Variants in ATAD3B observed in about 807,000 individuals in gnomAD.
ATAD3B encodes the protein ATPase family AAA domain-containing protein 3B.
Under a neutral mutation model 70.2 loss-of-function variants are expected in ATAD3B, and 59 were observed. The ratio of observed to expected loss-of-function variants is 0.84; its 90% CI spans 0.68 to 1.04. The LOEUF is 1.04. Among genes scored for constraint, ATAD3B ranks in the 50% least tolerant of loss-of-function variants. The pLI, the probability that ATAD3B is intolerant of heterozygous loss-of-function variation, is 0.00. For missense variants in ATAD3B, 961 were observed against 913.4 expected, an observed-to-expected ratio of 1.05 and a Z score of -0.67; for synonymous variants, 423 against 388.6, an observed-to-expected ratio of 1.09 and a Z score of -1.04.
At chr1:1,476,291 C>G (rs1331797396) in intron 1 of ATAD3B, among the ~76,000 whole-genome samples, 1 of 148,234 alleles carries the variant, frequency 6.7e-6, no homozygotes, top group Non-Finnish European at 1.5e-5. Context: ...CTAAATGCAA[C>G]GAGTGCTCCC....
chr1:1,503,038 CAG>C, the ATAD3B span, among the ~76,000 whole-genome samples: 30 of 151,106 alleles, frequency 2.0e-4, no homozygotes, highest in African/African-American at 5.6e-4. Context: ...TCCTGGCTAA[CAG>C]GGTGAAACCC....
chr1:1,498,415 C>T (rs1204857195), downstream of ATAD3B, among the ~76,000 whole-genome samples: 2 of 151,892 alleles, frequency 1.3e-5, no homozygotes, highest in Non-Finnish European at 2.9e-5. Flanking sequence ...CAGCCGAGAT[C>T]GCACCACTGC....
At chr1:1,503,401 G>A in the ATAD3B span, 36 of 635,040 alleles carry the variant, frequency 5.7e-5, no homozygotes, top group South Asian at 7.2e-5. Flanking sequence ...GCATCAGGCC[G>A]TGTGCTGGGG....
intron 10 of ATAD3B, 122 bp from the exon 11 acceptor site, chr1:1,486,422 T>C: frequency 6.2e-6 from 10 of 1,603,080 alleles, no homozygotes; most frequent in Non-Finnish European, 8.5e-6. Context: ...GTCTCCTGTC[T>C]GGCAGGCTGT....
intron 8 of ATAD3B, among the ~76,000 whole-genome samples, chr1:1,485,438 G>A (rs552556378): frequency 3.1e-4 from 47 of 152,196 alleles, no homozygotes; most frequent in African/African-American, 1.0e-3. Context: ...CAAGACCCGG[G>A]ACTTGGGTGT....
At chr1:1,481,719 T>G (rs1421602910) in intron 5 of ATAD3B, among the ~76,000 whole-genome samples, 1 of 149,368 alleles carries the variant, frequency 6.7e-6, no homozygotes, top group East Asian at 2.0e-4. Context: ...TTCTGGTTTT[T>G]TGCTTCAAAG....
At chr1:1,479,334 A>T (rs1153102) in intron 4 of ATAD3B, among the ~76,000 whole-genome samples, 1 of 144,690 alleles carries the variant, frequency 6.9e-6, no homozygotes. Flanking sequence ...CTGCCCACAC[A>T]GACACACACT....
At chr1:1,501,779 C>T (rs1450212778), downstream of ATAD3B, among the ~76,000 whole-genome samples, 7 of 152,192 alleles carry the variant, frequency 4.6e-5, no homozygotes, top group Non-Finnish European at 1.0e-4. Flanking sequence ...TAAGTGTCAT[C>T]CCGTAATGCA....
In ATAD3B at chr1:1,476,023, G is replaced by T. The variant is rs1639570320; in HGVS notation, c.206-1251G>T. On this transcript the variant is annotated intron_variant, in intron 1 of 15. Transcript: ENST00000673477. ...ACTGACACACCCTCAGTCCCCTCGG[G>T]GTCAGAGTGAGAGTGGTTGAGAGCC... 9.5e-5 allele frequency among the ~76,000 whole-genome samples: 14 copies of T among 147,384 alleles called. No individual in the cohort carries two copies. The South Asian group carries it at 3.1e-3, about 33-fold the overall frequency.
At chr1:1,489,397 C>T in intron 13 of ATAD3B, 123 bp downstream of exon 13, 5 of 1,520,608 alleles carry the variant, frequency 3.3e-6, no homozygotes, top group Non-Finnish European at 3.6e-6. Flanking sequence ...GTGCCCACCT[C>T]AGATGTCCCC....
downstream of ATAD3B, among the ~76,000 whole-genome samples, chr1:1,502,390 A>G (rs1488309380): frequency 7.1e-6 from 1 of 140,802 alleles, no homozygotes; most frequent in Non-Finnish European, 1.5e-5. Flanking sequence ...AATTTTTTGT[A>G]TTTTTAGTAG....
intron 4 of ATAD3B, among the ~76,000 whole-genome samples, chr1:1,480,055 G>A (rs1396349565): frequency 5.6e-5 from 8 of 142,484 alleles, no homozygotes; most frequent in Middle Eastern, 3.9e-3. Flanking sequence ...TTGCACAGAC[G>A]GGCACGCACA....
chr1:1,491,953 A>G (rs1312249163), intron 15 of ATAD3B, among the ~76,000 whole-genome samples: 2 of 151,866 alleles, frequency 1.3e-5, no homozygotes, highest in Non-Finnish European at 2.9e-5. Context: ...GGGGAGGCCA[A>G]GTCAGTCAGA....
intron 2 of ATAD3B, chr1:1,478,254 C>T: frequency 1.6e-6 from 1 of 636,088 alleles, no homozygotes; most frequent in South Asian, 2.2e-5. Context: ...ACTTTGGCCT[C>T]ACAAAGTGCT....
At chr1:1,503,787 C>A in the ATAD3B span, 8 of 1,373,466 alleles carry the variant, frequency 5.8e-6, no homozygotes, top group Non-Finnish European at 8.0e-6. Context: ...GGTGCAGGGC[C>A]GAGCTTGGGC....
In ATAD3B at chr1:1,472,101, G is replaced by T. The variant is rs1570172824; in HGVS notation, c.205+12G>T. ...GCTGGAGCACTCGCGTGAGTGCGGC[G>T]GGGCGGGGCGGGGCGGGCGGGCGGG... On this transcript the variant is annotated intron_variant, in intron 1 of 15. Transcript: ENST00000673477. 8 of 1,112,564 alleles carry T rather than the reference G, an allele frequency of 7.2e-6. No individual in the cohort carries two copies. The highest frequency in any genetic ancestry group is 7.3e-6 in the Non-Finnish European group (7 of 958,732). 68.9% of individuals were successfully genotyped at this position (1,112,564 alleles called of 1,614,324 possible).
chr1:1,480,310 C>T (rs1639843132), intron 4 of ATAD3B, among the ~76,000 whole-genome samples: 1 of 145,324 alleles, frequency 6.9e-6, no homozygotes, highest in South Asian at 2.2e-4. Context: ...TCCACAGCAG[C>T]GGCTCTCCAG....
intron 1 of ATAD3B, 134 bp downstream of exon 1, chr1:1,472,223 C>T (rs957445157): frequency 1.4e-5 from 20 of 1,404,354 alleles, no homozygotes; most frequent in East Asian, 4.1e-5. Flanking sequence ...GGAGCACCCC[C>T]GGCCGGAGCC....
chr1:1,485,980 A>T, intron 9 of ATAD3B, 130 bp from the exon 10 acceptor site: 1 of 1,589,604 alleles, frequency 6.3e-7, no homozygotes, highest in Non-Finnish European at 8.6e-7. Flanking sequence ...TGCCGGGGAT[A>T]GATAGGCTGC....
Sources: gnomAD v4.1 joint callset for allele counts (sites outside exome capture counted in the v4.1 genomes callset) on GRCh38, gnomAD v4.1.1 for gene constraint, MANE v1.5 for transcripts, NCBI Gene and HGNC (gene_info 2026-07-23, HGNC 2026-07-21) for gene names.